MEGF11: variants seen among roughly 807,000 people sequenced by gnomAD.
MEGF11 encodes multiple epidermal growth factor-like domains protein 11.
A neutral mutation model predicts 146.6 loss-of-function variants in MEGF11; 126 were observed. The observed-to-expected ratio is 0.86, with a 90% CI of 0.74 to 1.00. The LOEUF (loss-of-function observed/expected upper bound fraction) is 1.00. MEGF11 is among the 50% of genes least tolerant of loss of function. The pLI is 0.00. For synonymous variants in MEGF11, 532 were observed against 583.4 expected (o/e 0.91, Z 1.27); for missense variants, 1,509 against 1,521.2 (o/e 0.99, Z 0.13).
chr15:65,948,392 C>A (rs976032034), intron 10 of MEGF11, among the ~76,000 whole-genome samples: 8 of 152,082 alleles, frequency 5.3e-5, no homozygotes, highest in Non-Finnish European at 1.0e-4. Flanking sequence ...TACAGTGTTA[C>A]ACCTGTTTTA....
intron 5 of MEGF11, 130 bp downstream of exon 5, chr15:66,094,272 C>T: frequency 1.6e-6 from 1 of 639,070 alleles, no homozygotes; most frequent in Admixed American, 2.9e-5. Context: ...CCCTGATGTT[C>T]ACACAGGCCC....
At chr15:66,111,926 C>T (rs2087437644) in intron 4 of MEGF11, among the ~76,000 whole-genome samples, 2 of 152,144 alleles carry the variant, frequency 1.3e-5, no homozygotes, top group African/African-American at 4.8e-5. Context: ...TTACCAAACA[C>T]AGCATAAAAT....
chr15:65,899,521 A>G (rs2078440242), intron 24 of MEGF11, among the ~76,000 whole-genome samples: 1 of 152,146 alleles, frequency 6.6e-6, no homozygotes, highest in South Asian at 2.1e-4. Context: ...ATTGTTTTCA[A>G]TGACTGAGAA....
chr15:65,986,426 AT>A (rs2081859294), intron 5 of MEGF11, among the ~76,000 whole-genome samples: 1 of 152,202 alleles, frequency 6.6e-6, no homozygotes, highest in Admixed American at 6.5e-5. Flanking sequence ...AATTTAGAAT[AT>A]TCTGATTAAG....
At chr15:66,158,804 C>T (rs538300742) in intron 1 of MEGF11, among the ~76,000 whole-genome samples, 1 of 152,352 alleles carries the variant, frequency 6.6e-6, no homozygotes, top group East Asian at 1.9e-4. Context: ...CCTTCCAAGG[C>T]CTGTTTCCAT....
In MEGF11 at chr15:66,010,648, A is replaced by G. The variant is rs189436240; in HGVS notation, c.395-28160T>C. ...GTGATTTGCTACTAACGTAGTTCCA[A>G]GCTGGCGAATAATTTATTTCTCATA... is the stretch of plus-strand genomic sequence containing the variant. On this transcript the variant is annotated intron_variant, in intron 5 of 25. Transcript: ENST00000395614. Among the ~76,000 whole-genome samples, 41 of 152,344 alleles carry G rather than the reference A, an allele frequency of 2.7e-4. No homozygotes were observed. In the East Asian group the frequency reaches 6.0e-3, roughly 22 times the overall value.
chr15:66,056,350 G>T (rs2084674357), intron 5 of MEGF11, among the ~76,000 whole-genome samples: 1 of 152,148 alleles, frequency 6.6e-6, no homozygotes, highest in South Asian at 2.1e-4. Context: ...TAAAACAGGA[G>T]ATCAAAATAG....
chr15:66,094,612 G>A (rs1191947752), intron 4 of MEGF11, 118 bp from the exon 5 acceptor site: 10 of 790,244 alleles, frequency 1.3e-5, no homozygotes, highest in Admixed American at 2.4e-5. Context: ...TGCTTAGAAC[G>A]CATGACTGGC....
In MEGF11 at chr15:65,925,579, G is replaced by T. The variant is rs148344053; in HGVS notation, c.1676-2610C>A. The stretch of plus-strand genomic sequence containing the variant: ...GAGGCTCCCAGCTGTAGTTTCTGAA[G>T]AAGCAGCTTCAGTTACCTTCCTGGG... On this transcript the variant is annotated intron_variant, in intron 13 of 25. Transcript: ENST00000395614. Among the ~76,000 whole-genome samples the T allele has an allele frequency of 2.6e-5, 4 of 152,328 alleles. No homozygotes were observed. The East Asian group carries it at 7.7e-4, about 29-fold the overall frequency.
At chr15:65,961,697 C>T (rs189708475) in intron 9 of MEGF11, among the ~76,000 whole-genome samples, 1 of 152,350 alleles carries the variant, frequency 6.6e-6, no homozygotes, top group East Asian at 1.9e-4. Context: ...GCCGGAAGGG[C>T]ACAGACCAGA....
chr15:66,009,885 T>C (rs1176210636), intron 5 of MEGF11, among the ~76,000 whole-genome samples: 2 of 151,810 alleles, frequency 1.3e-5, no homozygotes, highest in Admixed American at 6.6e-5. Context: ...TGAGCCACCG[T>C]GCCCGGCCCA....
intron 5 of MEGF11, among the ~76,000 whole-genome samples, chr15:66,069,912 C>T (rs1872772758): frequency 6.6e-6 from 1 of 152,214 alleles, no homozygotes; most frequent in Admixed American, 6.5e-5. Context: ...ATAGGGATGG[C>T]TGTGTTCCAA....
At position 65,916,827 on chromosome 15, in the gene MEGF11, C is replaced by G. The variant is rs199673237; in HGVS notation, c.2215+1G>C. ...CTGGGAGGCCAGGAGGTGGGGCTTA[C>G]GCTGTGTGCAGAAGAGTCCAGTCCA... On this transcript the variant is annotated splice_donor_variant, in intron 17 of 25. Coordinates refer to ENST00000395614, the MANE Select transcript of MEGF11 (RefSeq NM_001385028.1). LOFTEE classifies it high-confidence loss of function. 2 of 1,610,558 alleles carry G rather than the reference C, an allele frequency of 1.2e-6. No homozygotes were observed. Among genetic ancestry groups the G allele is most frequent in the Non-Finnish European group, 1.7e-6 (2 of 1,178,214 alleles).
intron 19 of MEGF11, among the ~76,000 whole-genome samples, chr15:65,915,231 C>T (rs1256157875): frequency 6.6e-6 from 1 of 152,212 alleles, no homozygotes; most frequent in Non-Finnish European, 1.5e-5. Context: ...TGTGGCTACC[C>T]TTGCTTGGCT....
intron 5 of MEGF11, among the ~76,000 whole-genome samples, chr15:66,078,553 G>C (rs2085693268): frequency 6.6e-6 from 1 of 152,230 alleles, no homozygotes; most frequent in Non-Finnish European, 1.5e-5. Flanking sequence ...TCTCTGCCCA[G>C]GATGAGATGC....
At position 65,916,930 on chromosome 15, in the gene MEGF11, C is replaced by A; in HGVS notation, c.2113G>T (p.Ala705Ser). 1 of 1,539,850 alleles carries A rather than the reference C, an allele frequency of 6.5e-7. No individual in the cohort carries two copies. The highest frequency in any genetic ancestry group is 1.2e-5 in the South Asian group (1 of 81,652). Residue 705 changes from alanine (A) to serine (S), a missense_variant, in exon 17 of 26, where the codon GCC (alanine) becomes TCC (serine). Physicochemically the swap from Ala to Ser is moderately conservative, Grantham distance 99. Coordinates refer to ENST00000395614, the MANE Select transcript of MEGF11 (RefSeq NM_001385028.1). ...QACPPGFWGP[A>S]CFHACSCHNG... is the part of the protein sequence containing the mutation. ...TGGCAGCTGCATGCGTGGAAGCAGG[C>A]GGGGCCCCAGAACCCGGGTGGGCAA...
intron 5 of MEGF11, among the ~76,000 whole-genome samples, chr15:66,067,277 G>A (rs2085169012): frequency 6.6e-6 from 1 of 152,012 alleles, no homozygotes; most frequent in Admixed American, 6.5e-5. Flanking sequence ...CGTTACTACT[G>A]CAGTTATTAT....
intron 1 of MEGF11, among the ~76,000 whole-genome samples, chr15:66,155,932 G>A (rs1475041036): frequency 3.3e-5 from 5 of 152,176 alleles, no homozygotes; most frequent in South Asian, 2.1e-4. Flanking sequence ...TGGTGGGAGC[G>A]GGTGATGGTC....
chr15:65,916,742 C>T, intron 17 of MEGF11, 86 bp downstream of exon 17: 1 of 1,551,780 alleles, frequency 6.4e-7, no homozygotes, highest in East Asian at 2.4e-5. Context: ...TTCCTCCCTC[C>T]CTGCTGGTCT....
Sources: gnomAD v4.1 joint callset for allele counts (sites outside exome capture counted in the v4.1 genomes callset) on GRCh38, gnomAD v4.1.1 for gene constraint, MANE v1.5 for transcripts, NCBI Gene and HGNC (gene_info 2026-07-23, HGNC 2026-07-21) for gene names.